LRRC9: variants seen among roughly 807,000 people sequenced by gnomAD.
The protein encoded by LRRC9 is leucine rich repeat containing 9.
A neutral mutation model predicts 63.2 loss-of-function variants in LRRC9; 122 were observed. The ratio of observed to expected loss-of-function variants is 1.93; its 90% CI spans 1.67 to 2.24. The LOEUF is 2.24. Among genes scored for constraint, LRRC9 ranks in the 30% most tolerant of loss-of-function variants. The probability of loss-of-function intolerance (pLI) is 0.00; values close to 1 mark genes in which losing one functional copy is unlikely to be tolerated. For missense variants in LRRC9, 1,071 were observed against 627.7 expected (o/e 1.71, Z -7.55); for synonymous variants, 366 against 213.1 (o/e 1.72, Z -6.25).
Position 59,986,478 on chromosome 14 carries a change from T to TAGGC in LRRC9, c.2211+1255_2211+1258dup, listed in dbSNP as rs755619604. Among the ~76,000 whole-genome samples, 2 of 152,220 alleles carry TAGGC rather than the reference T, an allele frequency of 1.3e-5. No homozygotes were observed. The highest frequency in any genetic ancestry group is 2.9e-5 in the Non-Finnish European group (2 of 68,026). On this transcript the variant is annotated intron_variant, in intron 17 of 31. Transcript: ENST00000445360. The surrounding 1 kb of genome is among the most constrained non-coding windows in gnomAD (Gnocchi z 4.7). ...TAAACTCACTTCCTTTTTCTTTTGGTAGGCCCAAGCCCTTTTAAGTAAGTA... is the reference window on the plus strand; with the variant it reads ...TAAACTCACTTCCTTTTTCTTTTGGTAGGCAGGCCCAAGCCCTTTTAAGTAAGTA...
chr14:59,928,121 A>C, intron 2 of LRRC9, 130 bp downstream of exon 2: 1 of 577,074 alleles, frequency 1.7e-6, no homozygotes, highest in Admixed American at 3.3e-5. Flanking sequence ...GGAAGCAGAG[A>C]ATAATCATAT....
intron 3 of LRRC9, among the ~76,000 whole-genome samples, chr14:59,928,818 A>G (rs571452439): frequency 6.6e-6 from 1 of 152,116 alleles, no homozygotes; most frequent in Non-Finnish European, 1.5e-5. Flanking sequence ...AAAACGAGCA[A>G]TGGGGAAAGG....
exon 27 of LRRC9, chr14:60,022,763 C>T: frequency 4.5e-6 from 3 of 662,452 alleles, no homozygotes; most frequent in South Asian, 3.4e-5. Flanking sequence ...AATTTGCCTC[C>T]AATAATGCAC....
chr14:59,995,376 C>CA lies in LRRC9; in HGVS notation c.2212-2280_2212-2279insA, dbSNP rs575010357. ...CTCGATCTAGATAACAATTACAATT[C>CA]TAATTTTTTATTGAAATAATACTGA... On this transcript the variant is annotated intron_variant, in intron 17 of 31. Transcript: ENST00000445360. Among the ~76,000 whole-genome samples the CA allele has an allele frequency of 7.1e-3, 1,083 of 152,250 alleles. 9 individuals are homozygous for CA. The highest frequency in any genetic ancestry group is 0.024 in the African/African-American group (1,016 of 41,562).
chr14:59,959,598 G>T (rs1282701202), intron 8 of LRRC9, among the ~76,000 whole-genome samples: 1 of 152,132 alleles, frequency 6.6e-6, no homozygotes, highest in African/African-American at 2.4e-5. Flanking sequence ...GTCGGCACTT[G>T]GTCAAGAGAA....
intron 29 of LRRC9, among the ~76,000 whole-genome samples, chr14:60,039,188 G>T (rs1229903703): frequency 6.6e-6 from 1 of 152,122 alleles, no homozygotes. Flanking sequence ...GAGGATTTTT[G>T]CATCAATGTT....
At chr14:59,935,741 C>T (rs1240923894) in intron 6 of LRRC9, among the ~76,000 whole-genome samples, 1 of 152,178 alleles carries the variant, frequency 6.6e-6, no homozygotes, top group Non-Finnish European at 1.5e-5. Context: ...AGGAGTTGCC[C>T]AGGCAAAGAC....
chr14:59,996,269 G>T (rs1185943883), intron 17 of LRRC9, among the ~76,000 whole-genome samples: 1 of 151,988 alleles, frequency 6.6e-6, no homozygotes, highest in Non-Finnish European at 1.5e-5. Flanking sequence ...AAGAAATGAT[G>T]ATAGGAAGTG....
At chr14:59,959,207 T>G (rs190513636) in intron 8 of LRRC9, among the ~76,000 whole-genome samples, 4 of 152,294 alleles carry the variant, frequency 2.6e-5, no homozygotes, top group East Asian at 3.9e-4. Context: ...CATGCAACAT[T>G]TTTAAAATAT....
At chr14:59,965,166 A>G (rs1435705011) in intron 10 of LRRC9, among the ~76,000 whole-genome samples, 1 of 152,190 alleles carries the variant, frequency 6.6e-6, no homozygotes, top group Non-Finnish European at 1.5e-5. Flanking sequence ...GTTCTGTGCT[A>G]GACAGGACCG....
intron 1 of LRRC9, among the ~76,000 whole-genome samples, chr14:59,924,083 T>G (rs1465632538): frequency 6.6e-6 from 1 of 152,232 alleles, no homozygotes; most frequent in Admixed American, 6.5e-5. Flanking sequence ...AATGATTTAA[T>G]TCCTTCTACA....
intron 7 of LRRC9, among the ~76,000 whole-genome samples, chr14:59,939,044 CATATATACACATATATAT>C (rs1469788325): frequency 6.8e-6 from 1 of 146,626 alleles, no homozygotes; most frequent in Admixed American, 6.9e-5. Context: ...CACATATATA[CATATATACACATATATAT>C]ACGTATATAC....
intron 17 of LRRC9, among the ~76,000 whole-genome samples, chr14:59,992,990 C>A (rs1004168393): frequency 3.9e-5 from 6 of 152,058 alleles, no homozygotes; most frequent in African/African-American, 1.4e-4. Context: ...AGAGCAACTC[C>A]AAGACACATA....
chr14:60,023,859 A>G (rs1018685864), intron 27 of LRRC9, among the ~76,000 whole-genome samples: 18 of 152,046 alleles, frequency 1.2e-4, no homozygotes, highest in African/African-American at 4.3e-4. Context: ...ATGTGCTCTC[A>G]CTGTTCAACT....
At chr14:59,924,622 A>C (rs1458530123) in intron 1 of LRRC9, among the ~76,000 whole-genome samples, 1 of 152,096 alleles carries the variant, frequency 6.6e-6, no homozygotes, top group Admixed American at 6.5e-5. Flanking sequence ...CAAACCCTAC[A>C]ATCTATTTTA....
intron 26 of LRRC9, among the ~76,000 whole-genome samples, chr14:60,019,579 T>C (rs922240686): frequency 2.0e-5 from 3 of 151,874 alleles, no homozygotes; most frequent in African/African-American, 7.2e-5. Context: ...AAAATTGAGG[T>C]ACAATTCACA....
In LRRC9 at chr14:59,932,677, A is replaced by G. The variant is rs544491050; in HGVS notation, c.543+638A>G. On this transcript the variant is annotated intron_variant, in intron 6 of 31. Transcript: ENST00000445360. This position sits in a 1 kb window ranked among gnomAD's most constrained non-coding sequence, Gnocchi z 4.7. The stretch of plus-strand genomic sequence containing the variant: ...AAGTACAACTGGGTGCACCTTCAGA[A>G]TATGTCCAGAGTCTGATCACTTCTT... Among the ~76,000 whole-genome samples the G allele has an allele frequency of 7.9e-5, 12 of 152,190 alleles. No individual in the cohort carries two copies. The East Asian group carries it at 1.9e-3, about 25-fold the overall frequency.
intron 1 of LRRC9, among the ~76,000 whole-genome samples, chr14:59,926,742 A>G (rs1427173100): frequency 2.6e-5 from 4 of 152,110 alleles, no homozygotes; most frequent in African/African-American, 9.7e-5. Flanking sequence ...CTTTTGTTCA[A>G]CATTTGTTTA....
At position 60,042,715 on chromosome 14, in the gene LRRC9, T is replaced by C. The variant is rs1323525258; in HGVS notation, c.3991-10350T>C. Among the ~76,000 whole-genome samples the C allele has an allele frequency of 6.6e-6, 1 of 152,128 alleles. No homozygotes were observed. The highest frequency in any genetic ancestry group is 2.4e-5 in the African/African-American group (1 of 41,438). The stretch of plus-strand genomic sequence containing the variant: ...GCACTTCCCGGGTGAGGCAATGCCC[T>C]GTCCTGCTTTGGCTCATGCTCCGTG... On this transcript the variant is annotated intron_variant, in intron 29 of 31. Coordinates refer to ENST00000445360, the Ensembl canonical transcript of LRRC9. This position sits in a 1 kb window ranked among gnomAD's most constrained non-coding sequence, Gnocchi z 4.2.
Sources: gnomAD v4.1 joint callset for allele counts (sites outside exome capture counted in the v4.1 genomes callset) on GRCh38, gnomAD v4.1.1 for gene constraint, Gnocchi (gnomAD v3.1) non-coding constraint, MANE v1.5 for transcripts, NCBI Gene and HGNC (gene_info 2026-07-23, HGNC 2026-07-21) for gene names.